The following CELF4 variants were observed in gnomAD, a reference collection of about 807,000 sequenced individuals.
The protein encoded by CELF4 is CUG-BP- and ETR-3-like factor 4.
A neutral mutation model predicts 59.9 loss-of-function variants in CELF4; 18 were observed. The observed-to-expected ratio is 0.30, with a 90% CI of 0.21 to 0.45. CELF4 has a LOEUF of 0.45. Among genes scored for constraint, CELF4 ranks in the 20% least tolerant of loss-of-function variants. The pLI is 1.00. For synonymous variants in CELF4, 261 were observed against 267.1 expected, an observed-to-expected ratio of 0.98 and a Z score of 0.22; for missense variants, 456 against 689.0, an observed-to-expected ratio of 0.66 and a Z score of 3.79.
chr18:37,558,589 C>A (rs2099985601), intron 1 of CELF4, among the ~76,000 whole-genome samples: 1 of 151,296 alleles, frequency 6.6e-6, no homozygotes, highest in African/African-American at 2.4e-5. Context: ...TTCTACTCCC[C>A]TAGGCTGTTT....
In CELF4 at chr18:37,515,544, C is replaced by G. The variant is rs148544865; in HGVS notation, c.287-29937G>C. On this transcript the variant is annotated intron_variant, in intron 1 of 12. Transcript: ENST00000420428. The stretch of plus-strand genomic sequence containing the variant: ...CAATGGTCACACTCTGCTTTCTTAA[C>G]TAGCGGAGGTTGCATCAAGACCGTA... 1.6e-4 allele frequency among the ~76,000 whole-genome samples: 24 copies of G among 152,338 alleles called. No homozygotes were observed. The East Asian group carries it at 4.6e-3, about 29-fold the overall frequency.
intron 1 of CELF4, among the ~76,000 whole-genome samples, chr18:37,531,742 G>A (rs951535255): frequency 6.6e-6 from 1 of 152,140 alleles, no homozygotes; most frequent in Non-Finnish European, 1.5e-5. Flanking sequence ...TAGAGGGGCC[G>A]TTCCATCATG....
At chr18:37,320,161 C>T (rs1021183899) in intron 3 of CELF4, among the ~76,000 whole-genome samples, 4 of 152,110 alleles carry the variant, frequency 2.6e-5, no homozygotes, top group Admixed American at 1.3e-4. Flanking sequence ...CACAGTGAAA[C>T]CCCATCTCTA....
At chr18:37,454,263 G>A (rs947648210) in intron 2 of CELF4, among the ~76,000 whole-genome samples, 8 of 152,172 alleles carry the variant, frequency 5.3e-5, no homozygotes, top group Admixed American at 1.3e-4. Flanking sequence ...TGGGAGGTAC[G>A]AGAGGATGCA....
At chr18:37,390,092 C>T (rs1470266795) in intron 2 of CELF4, among the ~76,000 whole-genome samples, 3 of 152,236 alleles carry the variant, frequency 2.0e-5, no homozygotes, top group Non-Finnish European at 4.4e-5. Context: ...GATGGCCCCT[C>T]TGCCCCTGCT....
At chr18:37,291,227 G>A (rs1343011064) in intron 3 of CELF4, among the ~76,000 whole-genome samples, 1 of 152,184 alleles carries the variant, frequency 6.6e-6, no homozygotes, top group East Asian at 1.9e-4. Context: ...TTATGAACAT[G>A]AGTCGGCATT....
chr18:37,398,948 C>G (rs1216835531), intron 2 of CELF4, among the ~76,000 whole-genome samples: 1 of 152,130 alleles, frequency 6.6e-6, no homozygotes, highest in Non-Finnish European at 1.5e-5. Context: ...TCACACGTGA[C>G]TGCTTTGTCC....
intron 3 of CELF4, among the ~76,000 whole-genome samples, chr18:37,308,726 T>TG (rs1339964033): frequency 6.6e-6 from 1 of 152,046 alleles, no homozygotes; most frequent in Admixed American, 6.6e-5. Flanking sequence ...AGTCACCCAG[T>TG]GCCAGGATTT....
At chr18:37,458,774 C>A (rs896003064) in intron 2 of CELF4, among the ~76,000 whole-genome samples, 6 of 152,160 alleles carry the variant, frequency 3.9e-5, no homozygotes, top group Non-Finnish European at 5.9e-5. Context: ...TCGGGGTTTG[C>A]AGAGCCTGAT....
intron 2 of CELF4, among the ~76,000 whole-genome samples, chr18:37,436,481 C>T (rs971539210): frequency 3.3e-5 from 5 of 152,314 alleles, no homozygotes; most frequent in Middle Eastern, 6.8e-3. Flanking sequence ...AAGCAGGCTG[C>T]CTAGGGTCAC....
intron 2 of CELF4, among the ~76,000 whole-genome samples, chr18:37,454,405 G>C (rs2099772409): frequency 6.6e-6 from 1 of 152,174 alleles, no homozygotes; most frequent in Admixed American, 6.5e-5. Flanking sequence ...CTCCTCCAGT[G>C]ACCCTCTCTT....
chr18:37,398,026 A>G (rs2099267284), intron 2 of CELF4, among the ~76,000 whole-genome samples: 1 of 152,146 alleles, frequency 6.6e-6, no homozygotes, highest in South Asian at 2.1e-4. Flanking sequence ...GGCCCGGGTC[A>G]GTGGCAACAG....
intron 2 of CELF4, among the ~76,000 whole-genome samples, chr18:37,411,064 C>T (rs1482625528): frequency 1.3e-5 from 2 of 152,172 alleles, no homozygotes; most frequent in Non-Finnish European, 2.9e-5. Context: ...TCACGAGATC[C>T]TCCCACCTCA....
At chr18:37,444,590 G>GCT (rs892764323) in intron 2 of CELF4, among the ~76,000 whole-genome samples, 13 of 136,316 alleles carry the variant, frequency 9.5e-5, no homozygotes, top group African/African-American at 1.6e-4. Context: ...AGAGAAACAT[G>GCT]CTCTCTCTCT....
At chr18:37,409,922 C>T (rs527277093) in intron 2 of CELF4, among the ~76,000 whole-genome samples, 7 of 152,310 alleles carry the variant, frequency 4.6e-5, no homozygotes, top group African/African-American at 1.4e-4. Flanking sequence ...TCACATGCAG[C>T]GCCTCAGGGC....
At chr18:37,353,903 C>CCCG (rs2098514689) in intron 2 of CELF4, among the ~76,000 whole-genome samples, 1 of 151,740 alleles carries the variant, frequency 6.6e-6, no homozygotes, top group Non-Finnish European at 1.5e-5. Flanking sequence ...ACTACAGGCA[C>CCCG]TCACCACACG....
intron 2 of CELF4, among the ~76,000 whole-genome samples, chr18:37,345,100 G>C (rs968417366): frequency 6.6e-6 from 1 of 152,180 alleles, no homozygotes; most frequent in Non-Finnish European, 1.5e-5. Context: ...GGGTGCCTCG[G>C]GAGGCTCTGT....
At chr18:37,493,900 C>T (rs2099921812) in intron 1 of CELF4, among the ~76,000 whole-genome samples, 4 of 152,230 alleles carry the variant, frequency 2.6e-5, no homozygotes, top group Admixed American at 2.6e-4. Flanking sequence ...TTGAGTTAAA[C>T]TCCTCTGTGT....
intron 2 of CELF4, among the ~76,000 whole-genome samples, chr18:37,336,480 C>T (rs1001081812): frequency 2.6e-5 from 4 of 152,184 alleles, no homozygotes; most frequent in Non-Finnish European, 4.4e-5. Context: ...CCCCATGTGG[C>T]CTATCCTGTG....
Sources: allele counts gnomAD v4.1 joint callset (sites outside exome capture counted in the v4.1 genomes callset), GRCh38; gene constraint gnomAD v4.1.1; transcripts MANE v1.5; gene names NCBI Gene and HGNC (gene_info 2026-07-23, HGNC 2026-07-21).